Variants in HELZ observed in about 807,000 individuals in gnomAD.
The protein encoded by HELZ is ATP-dependent RNA helicase with zinc finger domain.
Under a neutral mutation model 218.2 loss-of-function variants are expected in HELZ, and 23 were observed. That is an observed-to-expected ratio of 0.11 (90% CI 0.08 to 0.15). The LOEUF is 0.15. Ranked by LOEUF, HELZ falls within the 10% of genes least tolerant of loss-of-function variation. HELZ has a pLI of 1.00. For synonymous variants in HELZ, 814 were observed against 829.4 expected (o/e 0.98, Z 0.32); for missense variants, 1,813 against 2,353.7 (o/e 0.77, Z 4.75).
chr17:67,156,773 C>G (rs1409983630), intron 17 of HELZ, among the ~76,000 whole-genome samples: 1 of 151,922 alleles, frequency 6.6e-6, no homozygotes, highest in Non-Finnish European at 1.5e-5. Context: ...GACCTCACCT[C>G]TGAGCTCCAA....
intron 3 of HELZ, among the ~76,000 whole-genome samples, chr17:67,236,839 C>A (rs1294176149): frequency 1.3e-5 from 2 of 152,224 alleles, no homozygotes; most frequent in East Asian, 3.9e-4. Flanking sequence ...AGGACACAAG[C>A]TTGATAAAGT....
rs2035917295 is a variant in HELZ at position 67,072,481 on chromosome 17, C to A, written c.*5771G>T. On this transcript the variant is annotated 3_prime_UTR_variant, in exon 33 of 33. Coordinates refer to ENST00000358691, the MANE Select transcript of HELZ (RefSeq NM_014877.4). ...GTGCACTCTCATGGCATTCTGATGG[C>A]TTCTTTCCAGGATTCTCACTTCCAT... 6.5e-6 allele frequency: 1 copy of A among 152,730 alleles called. No homozygotes were observed. Among genetic ancestry groups the A allele is most frequent in the Non-Finnish European group, 1.5e-5 (1 of 68,114 alleles). The allele number at this position is 152,730 out of a possible 1,614,324, so 9.5% of individuals were successfully genotyped here.
chr17:67,190,116 G>T (rs1194059966), intron 10 of HELZ, 41 bp downstream of exon 10: 9 of 1,540,744 alleles, frequency 5.8e-6, no homozygotes, highest in Non-Finnish European at 7.2e-6. Flanking sequence ...CAAGTTCATT[G>T]TTTAAGACAA....
In HELZ at chr17:67,145,894, C is replaced by T; in HGVS notation, c.2622-4G>A. 2 of 1,595,432 alleles carry T rather than the reference C, an allele frequency of 1.3e-6. No individual in the cohort carries two copies. The highest frequency in any genetic ancestry group is 1.2e-5 in the South Asian group (1 of 85,844). ...ATAGAAAAGCTCAGAGGTATAACTG[C>T]AGTAAAAGACAAAAAGAAAAAAGGG... On this transcript the variant is annotated splice_polypyrimidine_tract_variant and splice_region_variant and intron_variant, in intron 20 of 32. Coordinates refer to ENST00000358691, the MANE Select transcript of HELZ (RefSeq NM_014877.4).
intron 13 of HELZ, among the ~76,000 whole-genome samples, chr17:67,170,861 T>C (rs1212753291): frequency 2.0e-5 from 3 of 151,896 alleles, no homozygotes; most frequent in Non-Finnish European, 4.4e-5. Context: ...CCCTTACTTA[T>C]TTCATGCTTT....
chr17:67,185,056 A>G (rs576257314), intron 12 of HELZ, among the ~76,000 whole-genome samples: 18 of 152,338 alleles, frequency 1.2e-4, no homozygotes, highest in Admixed American at 6.5e-5. Flanking sequence ...GGAAGATCCA[A>G]TGATGAACTG....
At chr17:67,093,317 AG>A (rs2036630241) in intron 31 of HELZ, among the ~76,000 whole-genome samples, 1 of 152,232 alleles carries the variant, frequency 6.6e-6, no homozygotes, top group African/African-American at 2.4e-5. Flanking sequence ...AGTAAGAAAA[AG>A]TACAAAGGTA....
At chr17:67,199,937 T>C (rs2040126772) in intron 7 of HELZ, among the ~76,000 whole-genome samples, 1 of 152,154 alleles carries the variant, frequency 6.6e-6, no homozygotes, top group South Asian at 2.1e-4. Context: ...CCAAATCCAG[T>C]GATTTTTCCA....
rs565750057 is a variant in HELZ, at chr17:67,087,597, G to A, written c.5242-516C>T. Among the ~76,000 whole-genome samples, 7 of 152,190 alleles carry A rather than the reference G, an allele frequency of 4.6e-5. No individual in the cohort carries two copies. The South Asian group carries it at 1.2e-3, about 27-fold the overall frequency. On this transcript the variant is annotated intron_variant, in intron 31 of 32. Coordinates refer to ENST00000358691, the MANE Select transcript of HELZ (RefSeq NM_014877.4). ...AATTTATTTTTCTTTAGACCTGATG[G>A]CAAGATGTGATTCCTCCTGTCCAAC...
intron 4 of HELZ, among the ~76,000 whole-genome samples, chr17:67,216,717 C>T (rs76126024): frequency 0.018 from 2,787 of 152,274 alleles, 82 homozygotes; most frequent in African/African-American, 0.06. Context: ...GTGACCTCCA[C>T]TGCATCCATG....
intron 12 of HELZ, among the ~76,000 whole-genome samples, chr17:67,186,810 A>T (rs1026561053): frequency 4.6e-5 from 7 of 152,206 alleles, no homozygotes; most frequent in African/African-American, 1.7e-4. Flanking sequence ...AGAGTAGGAA[A>T]TGTATGTTGT....
In HELZ at chr17:67,145,733, A is replaced by G. The variant is rs1216035722; in HGVS notation, c.2769+10T>C. The G allele has an allele frequency of 6.3e-7, 1 of 1,588,140 alleles. No individual in the cohort carries two copies. Among genetic ancestry groups the G allele is most frequent in the Admixed American group, 1.7e-5 (1 of 57,154 alleles). On this transcript the variant is annotated intron_variant, in intron 21 of 32. Transcript: ENST00000358691. ...AAAATGTTAACAATTTACAAAAAGA[A>G]TTAAGGTACCTCTGCATTATTATAA...
At chr17:67,208,443 A>T (rs1162657375) in intron 5 of HELZ, among the ~76,000 whole-genome samples, 4 of 152,180 alleles carry the variant, frequency 2.6e-5, no homozygotes, top group African/African-American at 9.6e-5. Flanking sequence ...GAGTTATGTA[A>T]GACGTAATAA....
chr17:67,156,877 T>C (rs1033145069), intron 17 of HELZ, among the ~76,000 whole-genome samples: 1 of 152,196 alleles, frequency 6.6e-6, no homozygotes, highest in African/African-American at 2.4e-5. Flanking sequence ...AAATCTCACG[T>C]TGAAATGTAA....
chr17:67,130,535 G>A (rs2143900802), intron 23 of HELZ, among the ~76,000 whole-genome samples: 1 of 152,182 alleles, frequency 6.6e-6, no homozygotes, highest in East Asian at 1.9e-4. Context: ...GTGTTGCCAG[G>A]AAATACATGC....
At chr17:67,125,380 T>C (rs1036754829) in intron 24 of HELZ, among the ~76,000 whole-genome samples, 41 of 125,500 alleles carry the variant, frequency 3.3e-4, no homozygotes, top group Middle Eastern at 8.7e-3. Flanking sequence ...AAGAAAAGCA[T>C]ACAGAAAAAA....
At chr17:67,085,202 T>G (rs1194492106) in intron 32 of HELZ, among the ~76,000 whole-genome samples, 1 of 152,070 alleles carries the variant, frequency 6.6e-6, no homozygotes, top group African/African-American at 2.4e-5. Flanking sequence ...GCAGATCGCT[T>G]GAGTCCAGGA....
At chr17:67,099,740 A>C (rs2036864712) in intron 31 of HELZ, among the ~76,000 whole-genome samples, 1 of 152,212 alleles carries the variant, frequency 6.6e-6, no homozygotes, top group African/African-American at 2.4e-5. Flanking sequence ...ATAAATAGAT[A>C]ACTGGGGAAA....
chr17:67,136,268 G>A lies in HELZ; in HGVS notation c.2954-70C>T, dbSNP rs2038146624. 3.8e-6 allele frequency: 4 copies of A among 1,050,414 alleles called. No individual in the cohort carries two copies. In the Admixed American group the frequency reaches 9.3e-5, roughly 24 times the overall value. 65.1% of individuals were successfully genotyped at this position (1,050,414 alleles called of 1,614,324 possible). A position where few individuals can be genotyped will look rare whatever the true frequency, so the allele number is the denominator to read the frequency against. On this transcript the variant is annotated intron_variant, in intron 22 of 32. Transcript: ENST00000358691. Reference sequence around the variant, plus strand: ...GAACCACTGATATAATAAAAGCATTGCATTTTTTAAAATGTTATTGCTAAA... The same window carrying A: ...GAACCACTGATATAATAAAAGCATTACATTTTTTAAAATGTTATTGCTAAA...
Sources: gnomAD v4.1 joint callset for allele counts (sites outside exome capture counted in the v4.1 genomes callset) on GRCh38, gnomAD v4.1.1 for gene constraint, MANE v1.5 for transcripts, NCBI Gene and HGNC (gene_info 2026-07-23, HGNC 2026-07-21) for gene names.